The following LRRC31 variants were observed in gnomAD, a reference collection of about 807,000 sequenced individuals.
LRRC31 encodes the protein leucine-rich repeat-containing protein 31.
LRRC31 carries 35 observed loss-of-function variants against 46.7 expected under a neutral mutation model. The observed-to-expected ratio is 0.75, with a 90% CI of 0.57 to 0.99. The LOEUF (loss-of-function observed/expected upper bound fraction) is 0.99. Ranked by LOEUF, LRRC31 falls within the 50% of genes least tolerant of loss-of-function variation. LRRC31 has a pLI of 0.00. For synonymous variants in LRRC31, 236 were observed against 235.1 expected, an observed-to-expected ratio of 1.00 and a Z score of -0.03; for missense variants, 613 against 626.1, an observed-to-expected ratio of 0.98 and a Z score of 0.22.
At chr3:169,858,264 A>T (rs540080799) in intron 3 of LRRC31, among the ~76,000 whole-genome samples, 7 of 152,194 alleles carry the variant, frequency 4.6e-5, no homozygotes, top group Non-Finnish European at 8.8e-5. Flanking sequence ...GGGCGCAAAC[A>T]TCAGAACAAC....
chr3:169,840,399 G>A, intron 8 of LRRC31, 86 bp from the exon 9 acceptor site: 1 of 1,317,480 alleles, frequency 7.6e-7, no homozygotes, highest in Non-Finnish European at 1.1e-6. Flanking sequence ...CTATCTCCAG[G>A]AATAGTAATG....
At position 169,854,389 on chromosome 3, in the gene LRRC31, C is replaced by A. The variant is rs116823834; in HGVS notation, c.991+424G>T. 5.4e-3 allele frequency among the ~76,000 whole-genome samples: 825 copies of A among 152,302 alleles called. 11 individuals carry two copies. Among genetic ancestry groups the A allele is most frequent in the African/African-American group, 0.018 (753 of 41,558 alleles). ...AAAGCAGTAACGTACAGCCATCACG[C>A]GCCACCCTGCTGACTCTTTTTCTGT... On this transcript the variant is annotated intron_variant, in intron 6 of 8. Coordinates refer to ENST00000316428, the MANE Select transcript of LRRC31 (RefSeq NM_024727.4).
chr3:169,866,944 G>A (rs563924887), intron 1 of LRRC31, among the ~76,000 whole-genome samples: 20 of 151,842 alleles, frequency 1.3e-4, no homozygotes, highest in Admixed American at 7.9e-4. Flanking sequence ...ACTGGGTGAC[G>A]GTGCGAAACT....
intron 1 of LRRC31, among the ~76,000 whole-genome samples, chr3:169,868,766 C>G (rs186457059): frequency 2.6e-5 from 4 of 152,180 alleles, no homozygotes; most frequent in East Asian, 3.9e-4. Flanking sequence ...ATGTAAGTAA[C>G]ATAATAAATG....
chr3:169,861,702 C>A lies in LRRC31; in HGVS notation c.287G>T (p.Cys96Phe), dbSNP rs1214472582. ...TTTCATGTCCGCTGTTGTTAATCCA[C>A]AGTTATTCAAATCTAGACACTTGTT... ...AVNKCLDLNN[C>F]GLTTADMKEM... Residue 96 changes from cysteine to phenylalanine, a missense_variant, in exon 2 of 9, where the codon TGT becomes TTT. Transcript: ENST00000316428. 1 of 1,614,140 alleles carries A rather than the reference C, an allele frequency of 6.2e-7. No homozygotes were observed. The highest frequency in any genetic ancestry group is 1.7e-5 in the Admixed American group (1 of 60,028).
rs567459200 is a variant in LRRC31, at chr3:169,846,984, AAT to A, written c.1327+1134_1327+1135del. 1.3e-3 allele frequency among the ~76,000 whole-genome samples: 198 copies of A among 152,176 alleles called. 1 individual carries two copies. The highest frequency in any genetic ancestry group is 4.6e-3 in the African/African-American group (190 of 41,524). ...GTGCCGTGTCATAGCAAAACTGACT[AAT>A]ATATACACTGAGAACACAGATACAA... On this transcript the variant is annotated intron_variant, in intron 8 of 8. Coordinates refer to ENST00000316428, the MANE Select transcript of LRRC31 (RefSeq NM_024727.4).
At chr3:169,842,753 A>G (rs908139631) in intron 8 of LRRC31, among the ~76,000 whole-genome samples, 5 of 152,226 alleles carry the variant, frequency 3.3e-5, no homozygotes, top group African/African-American at 9.6e-5. Context: ...AGTAAAAATT[A>G]AGAAAAAATA....
chr3:169,848,042 C>A, intron 8 of LRRC31, 78 bp downstream of exon 8: 1 of 1,444,962 alleles, frequency 6.9e-7, no homozygotes, highest in Non-Finnish European at 9.5e-7. Flanking sequence ...CCTCCCCCAC[C>A]TCCCCACCTG....
chr3:169,852,615 G>A (rs966987102), intron 6 of LRRC31, among the ~76,000 whole-genome samples: 4 of 152,114 alleles, frequency 2.6e-5, no homozygotes, highest in Non-Finnish European at 4.4e-5. Context: ...GACACCTATT[G>A]GTAACGGCAC....
chr3:169,857,345 T>TATATATATATATACACACAC (rs1491209579), intron 3 of LRRC31, among the ~76,000 whole-genome samples: 5 of 89,426 alleles, frequency 5.6e-5, no homozygotes, highest in South Asian at 4.5e-4. Flanking sequence ...TATATATATA[T>TATATATATATATACACACAC]ACACACACAC....
chr3:169,862,825 AC>A (rs556041706), intron 1 of LRRC31, among the ~76,000 whole-genome samples: 1 of 152,022 alleles, frequency 6.6e-6, no homozygotes, highest in Non-Finnish European at 1.5e-5. Flanking sequence ...TTTATTGAGC[AC>A]CTGTTATGTA....
Position 169,856,488 on chromosome 3 carries a change from A to G in LRRC31, c.671T>C (p.Met224Thr), listed in dbSNP as rs1560629012. 6.2e-7 allele frequency: 1 copy of G among 1,600,084 alleles called. No homozygotes were observed. Residue 224 changes from methionine (M) to threonine (T), a missense_variant, in exon 5 of 9, where the codon ATG becomes ACG. Coordinates refer to ENST00000316428, the MANE Select transcript of LRRC31 (RefSeq NM_024727.4). ...ATCAAGTACTTCGAGACTTTGCAGC[A>G]TAGGTAGCAGTTGACCTAGAAGGAA... is the stretch of plus-strand genomic sequence containing the variant. ...DGTFLGQLLP[M>T]LQSLEVLDLS...
chr3:169,844,920 G>GA (rs1202234829), intron 8 of LRRC31, among the ~76,000 whole-genome samples: 1 of 119,748 alleles, frequency 8.4e-6, no homozygotes, highest in Non-Finnish European at 1.6e-5. Context: ...GACAGAATGA[G>GA]ACTCCATCTC....
At chr3:169,858,218 C>G (rs954970672) in intron 3 of LRRC31, among the ~76,000 whole-genome samples, 1 of 152,072 alleles carries the variant, frequency 6.6e-6, no homozygotes, top group South Asian at 2.1e-4. Context: ...ATGCAGAAGT[C>G]CTTCCAGAGA....
intron 3 of LRRC31, among the ~76,000 whole-genome samples, chr3:169,859,311 G>C (rs150486272): frequency 6.9e-6 from 1 of 144,808 alleles, no homozygotes; most frequent in African/African-American, 2.8e-5. Flanking sequence ...AAAAAAGGCC[G>C]GGGGGGCGGG....
chr3:169,844,624 CAG>C (rs1780548823), intron 8 of LRRC31, among the ~76,000 whole-genome samples: 1 of 152,114 alleles, frequency 6.6e-6, no homozygotes, highest in South Asian at 2.1e-4. Flanking sequence ...AAAAGATACA[CAG>C]AGATAAAGAA....
intron 7 of LRRC31, among the ~76,000 whole-genome samples, chr3:169,850,495 G>T (rs886766538): frequency 6.6e-6 from 1 of 152,222 alleles, no homozygotes; most frequent in African/African-American, 2.4e-5. Context: ...TTGAAGGGGT[G>T]CCTGTGAGCT....
intron 1 of LRRC31, 65 bp downstream of exon 1, chr3:169,869,568 T>A: frequency 7.1e-7 from 1 of 1,412,226 alleles, no homozygotes; most frequent in Non-Finnish European, 9.5e-7. Flanking sequence ...AATAAAAATA[T>A]TTTAAATGTG....
intron 5 of LRRC31, among the ~76,000 whole-genome samples, chr3:169,855,417 A>C (rs1299780474): frequency 2.6e-5 from 4 of 152,116 alleles, no homozygotes; most frequent in African/African-American, 9.7e-5. Flanking sequence ...CCCGACCATG[A>C]TTTCACACAC....
Sources: allele counts gnomAD v4.1 joint callset (sites outside exome capture counted in the v4.1 genomes callset), GRCh38; gene constraint gnomAD v4.1.1; transcripts MANE v1.5; gene names NCBI Gene and HGNC (gene_info 2026-07-23, HGNC 2026-07-21).